SPAG16: variants seen among roughly 807,000 people sequenced by gnomAD.
SPAG16 encodes sperm-associated antigen 16 protein.
A neutral mutation model predicts 80.4 loss-of-function variants in SPAG16; 86 were observed. That is an observed-to-expected ratio of 1.07 (90% CI 0.90 to 1.28). The LOEUF (loss-of-function observed/expected upper bound fraction) is 1.28. Among genes scored for constraint, SPAG16 ranks in the 50% most tolerant of loss-of-function variants. The pLI is 0.00. For synonymous variants in SPAG16, 294 were observed against 265.9 expected (o/e 1.11, Z -1.03); for missense variants, 870 against 765.3 (o/e 1.14, Z -1.61).
chr2:213,750,145 C>A (rs958177697), intron 10 of SPAG16, among the ~76,000 whole-genome samples: 2 of 152,148 alleles, frequency 1.3e-5, no homozygotes, highest in Admixed American at 6.5e-5. Flanking sequence ...AGGACAAGTA[C>A]TCCAAGAAAC....
At chr2:213,408,708 A>G (rs2068800989) in intron 9 of SPAG16, among the ~76,000 whole-genome samples, 1 of 152,238 alleles carries the variant, frequency 6.6e-6, no homozygotes, top group Non-Finnish European at 1.5e-5. Context: ...AGTAATTGAT[A>G]GGGAAACTCT....
At chr2:213,875,495 T>C (rs1216629040) in intron 11 of SPAG16, among the ~76,000 whole-genome samples, 1 of 152,036 alleles carries the variant, frequency 6.6e-6, no homozygotes, top group African/African-American at 2.4e-5. Flanking sequence ...AACTAGAAAG[T>C]TTTTTACTGA....
At chr2:214,272,141 T>C (rs1337050052) in intron 15 of SPAG16, among the ~76,000 whole-genome samples, 1 of 152,188 alleles carries the variant, frequency 6.6e-6, no homozygotes, top group Non-Finnish European at 1.5e-5. Flanking sequence ...GCTTTTACAA[T>C]TATAATTTAT....
intron 10 of SPAG16, among the ~76,000 whole-genome samples, chr2:213,616,301 C>T (rs927420378): frequency 6.6e-6 from 1 of 152,208 alleles, no homozygotes; most frequent in Non-Finnish European, 1.5e-5. Flanking sequence ...CATAATTGAG[C>T]AGATTATACT....
chr2:213,862,729 G>A, intron 11 of SPAG16, 101 bp downstream of exon 11: 1 of 1,302,332 alleles, frequency 7.7e-7, no homozygotes, highest in Non-Finnish European at 1.1e-6. Context: ...TTTTCTTTCT[G>A]CAACAACACA....
intron 15 of SPAG16, among the ~76,000 whole-genome samples, chr2:214,279,368 T>G (rs1393627400): frequency 3.3e-5 from 5 of 152,160 alleles, no homozygotes; most frequent in Non-Finnish European, 5.9e-5. Flanking sequence ...AAACAAGCAT[T>G]TTTTTAAAAT....
chr2:214,398,988 A>G lies in SPAG16; in HGVS notation c.1721-11152A>G, dbSNP rs996481450. Among the ~76,000 whole-genome samples the G allele has an allele frequency of 2.6e-5, 4 of 152,310 alleles. No homozygotes were observed. In the East Asian group the frequency reaches 7.7e-4, roughly 29 times the overall value. On this transcript the variant is annotated intron_variant, in intron 15 of 15. Coordinates refer to ENST00000331683, the MANE Select transcript of SPAG16 (RefSeq NM_024532.5). Reference sequence around the variant, plus strand: ...AATAAACAGATGTGAAATATTTGGGAAAAAGTGAGATAATAATTGTAAGCT... The same window carrying G: ...AATAAACAGATGTGAAATATTTGGGGAAAAGTGAGATAATAATTGTAAGCT...
intron 1 of SPAG16, among the ~76,000 whole-genome samples, chr2:213,294,302 T>C (rs1325292762): frequency 6.6e-6 from 1 of 152,178 alleles, no homozygotes; most frequent in African/African-American, 2.4e-5. Flanking sequence ...ATGTTGGAAA[T>C]ACTTTGTTAG....
intron 15 of SPAG16, among the ~76,000 whole-genome samples, chr2:214,267,948 T>G (rs1691702742): frequency 6.6e-6 from 1 of 151,720 alleles, no homozygotes; most frequent in African/African-American, 2.4e-5. Flanking sequence ...ATAGCCAAAA[T>G]ATACAAGGAA....
intron 10 of SPAG16, among the ~76,000 whole-genome samples, chr2:213,649,567 T>A (rs1231707668): frequency 6.6e-6 from 1 of 152,144 alleles, no homozygotes; most frequent in Non-Finnish European, 1.5e-5. Flanking sequence ...CATTTTGTTT[T>A]ACTTTATTTT....
At position 214,410,423 on chromosome 2, in the gene SPAG16, A is replaced by G; in HGVS notation, c.*108A>G. On this transcript the variant is annotated 3_prime_UTR_variant, in exon 16 of 16. Coordinates refer to ENST00000331683, the MANE Select transcript of SPAG16 (RefSeq NM_024532.5). ...TTAAATGTGCCAGCAGGTAACATTTACAGTCTGCTTTAAAACATGCTTTGG... is the reference window on the plus strand; with the variant it reads ...TTAAATGTGCCAGCAGGTAACATTTGCAGTCTGCTTTAAAACATGCTTTGG... The G allele has an allele frequency of 9.4e-7, 1 of 1,066,940 alleles. No individual in the cohort carries two copies. Among genetic ancestry groups the G allele is most frequent in the Non-Finnish European group, 1.3e-6 (1 of 742,786 alleles). The allele number at this position is 1,066,940 out of a possible 1,614,324, so 66.1% of individuals were successfully genotyped here.
rs541100594 is a variant in SPAG16 at position 214,178,928 on chromosome 2, G to A, written c.1720+29662G>A. 2.7e-4 allele frequency among the ~76,000 whole-genome samples: 41 copies of A among 151,136 alleles called. No individual in the cohort carries two copies. The East Asian group carries it at 3.7e-3, about 14-fold the overall frequency. On this transcript the variant is annotated intron_variant, in intron 15 of 15. Transcript: ENST00000331683. ...TGTAAATAAAAGCCCAGTTGTTACC[G>A]TCATTTAGTAGAAAGCTTATACAAT... is the stretch of plus-strand genomic sequence containing the variant.
intron 15 of SPAG16, among the ~76,000 whole-genome samples, chr2:214,161,456 C>T (rs917440893): frequency 3.9e-5 from 6 of 152,120 alleles, no homozygotes; most frequent in Non-Finnish European, 7.4e-5. Context: ...ACAACCTCAC[C>T]AGCATCTGTT....
At chr2:213,906,781 A>G (rs1378597442) in intron 11 of SPAG16, among the ~76,000 whole-genome samples, 3 of 152,192 alleles carry the variant, frequency 2.0e-5, no homozygotes, top group Non-Finnish European at 4.4e-5. Context: ...CATCCTCTTC[A>G]ATAAACAGTG....
At chr2:214,102,789 G>A (rs903643581) in intron 13 of SPAG16, among the ~76,000 whole-genome samples, 3 of 150,746 alleles carry the variant, frequency 2.0e-5, no homozygotes, top group East Asian at 1.9e-4. Context: ...GACCGAGACC[G>A]GGGCAAGTTC....
rs370120288 is a variant in SPAG16, at chr2:214,392,298, G to A, written c.1721-17842G>A. On this transcript the variant is annotated intron_variant, in intron 15 of 15. Coordinates refer to ENST00000331683, the MANE Select transcript of SPAG16 (RefSeq NM_024532.5). ...GGCCTCTAGAGTAGCTGGGACTACAGGCACCAGCCACCACACCTGGCTAAT... is the reference window on the plus strand; with the variant it reads ...GGCCTCTAGAGTAGCTGGGACTACAAGCACCAGCCACCACACCTGGCTAAT... 3.9e-5 allele frequency among the ~76,000 whole-genome samples: 6 copies of A among 152,172 alleles called. No individual in the cohort carries two copies. In the East Asian group the frequency reaches 5.8e-4, roughly 15 times the overall value.
rs531537426 is a variant in SPAG16, at chr2:213,872,348, C to T, written c.1214+9720C>T. On this transcript the variant is annotated intron_variant, in intron 11 of 15. Transcript: ENST00000331683. ...GAGTAACTTCATGTTATGTTATCCA[C>T]TAAGTTTGTGGTAATTTGTCACAGC... is the stretch of plus-strand genomic sequence containing the variant. Among the ~76,000 whole-genome samples the T allele has an allele frequency of 2.0e-5, 3 of 152,098 alleles. No individual in the cohort carries two copies. The East Asian group carries it at 5.8e-4, about 29-fold the overall frequency.
At chr2:214,310,739 A>G (rs1695240652) in intron 15 of SPAG16, among the ~76,000 whole-genome samples, 1 of 152,164 alleles carries the variant, frequency 6.6e-6, no homozygotes, top group South Asian at 2.1e-4. Flanking sequence ...CAGTTCAGAT[A>G]GTCACTGTCC....
At chr2:213,872,872 T>A (rs188768793) in intron 11 of SPAG16, among the ~76,000 whole-genome samples, 161 of 152,288 alleles carry the variant, frequency 1.1e-3, no homozygotes, top group African/African-American at 3.4e-3. Context: ...TCTATCAGTG[T>A]GGCCTATTAC....
Sources: allele counts gnomAD v4.1 joint callset (sites outside exome capture counted in the v4.1 genomes callset), GRCh38; gene constraint gnomAD v4.1.1; transcripts MANE v1.5; gene names NCBI Gene and HGNC (gene_info 2026-07-23, HGNC 2026-07-21).